AGBL1: variants seen among roughly 807,000 people sequenced by gnomAD.
The protein encoded by AGBL1 is AGBL carboxypeptidase 1.
AGBL1 carries 130 observed loss-of-function variants against 118.9 expected under a neutral mutation model. That is an observed-to-expected ratio of 1.09 (90% CI 0.95 to 1.26). The LOEUF (loss-of-function observed/expected upper bound fraction) is 1.26, where lower values mean the gene tolerates loss of function less well. Ranked by LOEUF, AGBL1 falls within the 50% of genes most tolerant of loss-of-function variation. AGBL1 has a pLI of 0.00. For synonymous variants in AGBL1, 555 were observed against 478.9 expected, an observed-to-expected ratio of 1.16 and a Z score of -2.08; for missense variants, 1,584 against 1,298.1, an observed-to-expected ratio of 1.22 and a Z score of -3.38.
chr15:86,294,972 G>C (rs1348576139), intron 16 of AGBL1, among the ~76,000 whole-genome samples: 1 of 152,114 alleles, frequency 6.6e-6, no homozygotes, highest in Non-Finnish European at 1.5e-5. Flanking sequence ...GATAGGAAGA[G>C]GGCTTTATGC....
chr15:86,563,449 C>A (rs982258439), intron 21 of AGBL1, among the ~76,000 whole-genome samples: 1 of 152,224 alleles, frequency 6.6e-6, no homozygotes, highest in African/African-American at 2.4e-5. Flanking sequence ...TGTAGTTGAG[C>A]GGTTTTGAGT....
At chr15:86,175,631 C>CT (rs752872765) in intron 5 of AGBL1, among the ~76,000 whole-genome samples, 1 of 152,118 alleles carries the variant, frequency 6.6e-6, no homozygotes, top group South Asian at 2.1e-4. Context: ...GACATAGTCA[C>CT]TTTTTTGCTA....
chr15:86,701,910 C>T (rs1042062055), intron 22 of AGBL1, among the ~76,000 whole-genome samples: 2 of 147,450 alleles, frequency 1.4e-5, no homozygotes, highest in Non-Finnish European at 3.0e-5. Flanking sequence ...CACTTTCCTC[C>T]CATCCACTAC....
intron 20 of AGBL1, 47 bp downstream of exon 20, chr15:86,546,180 T>C (rs758727395): frequency 4.5e-6 from 7 of 1,561,938 alleles, no homozygotes; most frequent in African/African-American, 1.4e-5. Context: ...GTTCATATTC[T>C]TCATTCTTAC....
At chr15:86,447,484 T>C (rs780762871) in intron 18 of AGBL1, among the ~76,000 whole-genome samples, 1 of 152,260 alleles carries the variant, frequency 6.6e-6, no homozygotes, top group Non-Finnish European at 1.5e-5. Context: ...TCAATTGAGC[T>C]TCTTGATCAG....
At chr15:86,765,117 C>T (rs887033616) in intron 22 of AGBL1, among the ~76,000 whole-genome samples, 2 of 151,930 alleles carry the variant, frequency 1.3e-5, no homozygotes, top group East Asian at 1.9e-4. Flanking sequence ...CATTGCAGAT[C>T]CATAAGGATT....
At chr15:86,948,585 C>T (rs551770645) in intron 23 of AGBL1, among the ~76,000 whole-genome samples, 4 of 152,286 alleles carry the variant, frequency 2.6e-5, no homozygotes, top group Non-Finnish European at 5.9e-5. Context: ...GAGGATTATG[C>T]GTGGCCCATC....
intron 19 of AGBL1, among the ~76,000 whole-genome samples, chr15:86,542,468 G>A (rs1420280136): frequency 6.7e-6 from 1 of 148,802 alleles, no homozygotes; most frequent in African/African-American, 2.5e-5. Flanking sequence ...CCAGGTTCAA[G>A]CAATTCTCCT....
intron 7 of AGBL1, among the ~76,000 whole-genome samples, chr15:86,253,240 C>T (rs776909759): frequency 5.3e-5 from 8 of 151,982 alleles, no homozygotes; most frequent in Non-Finnish European, 1.0e-4. Context: ...ATTTTACTTC[C>T]ATCAACTTTT....
At chr15:86,893,884 A>T (rs16978064) in intron 22 of AGBL1, among the ~76,000 whole-genome samples, 7 of 152,144 alleles carry the variant, frequency 4.6e-5, no homozygotes, top group Admixed American at 2.0e-4. Context: ...TATCATTTCA[A>T]GAAGAAAAAC....
intron 17 of AGBL1, among the ~76,000 whole-genome samples, chr15:86,315,139 C>T (rs1236792610): frequency 2.6e-5 from 4 of 152,104 alleles, no homozygotes; most frequent in Non-Finnish European, 5.9e-5. Flanking sequence ...ATGTAATTGC[C>T]CATTTTATAC....
intron 5 of AGBL1, among the ~76,000 whole-genome samples, chr15:86,195,663 C>G (rs530306807): frequency 6.6e-6 from 1 of 152,256 alleles, no homozygotes; most frequent in South Asian, 2.1e-4. Context: ...TCCTGTCACT[C>G]TCAGTGTTCA....
intron 23 of AGBL1, among the ~76,000 whole-genome samples, chr15:86,931,473 C>A (rs2080602897): frequency 6.6e-6 from 1 of 152,056 alleles, no homozygotes; most frequent in Non-Finnish European, 1.5e-5. Flanking sequence ...GGCAAGTGGA[C>A]CCCAGTTCAG....
intron 23 of AGBL1, among the ~76,000 whole-genome samples, chr15:86,962,752 G>C (rs2081005814): frequency 6.6e-6 from 1 of 152,064 alleles, no homozygotes; most frequent in Admixed American, 6.6e-5. Flanking sequence ...TCTTGGAAAA[G>C]GAAGGTTAGC....
intron 21 of AGBL1, among the ~76,000 whole-genome samples, chr15:86,616,354 A>AT (rs369528867): frequency 0.84 from 121,281 of 145,050 alleles, 51,517 homozygotes; most frequent in Non-Finnish European, 0.9. Context: ...AAAAAAAAAA[A>AT]AAAAAAAAAA....
At chr15:86,123,293 G>A (rs1898202946) in intron 1 of AGBL1, among the ~76,000 whole-genome samples, 1 of 152,134 alleles carries the variant, frequency 6.6e-6, no homozygotes, top group African/African-American at 2.4e-5. Flanking sequence ...ACACTGGAGT[G>A]CAGTGGCACA....
intron 23 of AGBL1, among the ~76,000 whole-genome samples, chr15:86,963,852 T>G (rs2081018877): frequency 6.6e-6 from 1 of 151,948 alleles, no homozygotes; most frequent in African/African-American, 2.4e-5. Flanking sequence ...CACTACCTAG[T>G]ACAGAGCTGG....
Position 86,623,246 on chromosome 15 carries a change from G to A in AGBL1, c.2995-51027G>A, listed in dbSNP as rs1036765907. Among the ~76,000 whole-genome samples, 23 of 128,758 alleles carry A rather than the reference G, an allele frequency of 1.8e-4. 2 individuals are homozygous for A. Among genetic ancestry groups the A allele is most frequent in the Admixed American group, 1.1e-3 (15 of 13,140 alleles). The allele number at this position is 128,758 out of a possible 152,430, so 84.5% of individuals were successfully genotyped here. Reference sequence around the variant, plus strand: ...GTGTAAGGCAGTGGGGTATGGGGACGGGTTTGGAGGAAGGCAGGAGCTCAA... The same window carrying A: ...GTGTAAGGCAGTGGGGTATGGGGACAGGTTTGGAGGAAGGCAGGAGCTCAA... On this transcript the variant is annotated intron_variant, in intron 21 of 22. Coordinates refer to ENST00000614907, the MANE Select transcript of AGBL1 (RefSeq NM_001386094.1).
rs558481070 is a variant in AGBL1 at position 86,347,156 on chromosome 15, A to G, written c.2375-50210A>G. Among the ~76,000 whole-genome samples, 4 of 152,360 alleles carry G rather than the reference A, an allele frequency of 2.6e-5. No individual in the cohort carries two copies. In the East Asian group the frequency reaches 7.7e-4, roughly 29 times the overall value. The stretch of plus-strand genomic sequence containing the variant: ...GACTTGCTTTCATCTAGGCAAAGTA[A>G]GATTTTGTAACTCTTTTAGCTAGCC... On this transcript the variant is annotated intron_variant, in intron 17 of 22. Coordinates refer to ENST00000614907, the MANE Select transcript of AGBL1 (RefSeq NM_001386094.1).
Sources: gnomAD v4.1 joint callset for allele counts (sites outside exome capture counted in the v4.1 genomes callset) on GRCh38, gnomAD v4.1.1 for gene constraint, MANE v1.5 for transcripts, NCBI Gene and HGNC (gene_info 2026-07-23, HGNC 2026-07-21) for gene names.